Variants in ELMO1 observed in about 807,000 individuals in gnomAD.
The protein encoded by ELMO1 is engulfment and cell motility protein 1.
A neutral mutation model predicts 98.9 loss-of-function variants in ELMO1; 26 were observed. The ratio of observed to expected loss-of-function variants is 0.26; its 90% confidence interval spans 0.19 to 0.36. The LOEUF (loss-of-function observed/expected upper bound fraction) is 0.36. Among genes scored for constraint, ELMO1 ranks in the 10% least tolerant of loss-of-function variants. The probability of loss-of-function intolerance (pLI) is 1.00; values close to 1 mark genes in which losing one functional copy is unlikely to be tolerated. For missense variants in ELMO1, 627 were observed against 935.2 expected, an observed-to-expected ratio of 0.67 and a Z score of 4.30; for synonymous variants, 346 against 346.0, an observed-to-expected ratio of 1.00 and a Z score of 0.00.
chr7:37,121,993 A>G (rs1018189383), intron 14 of ELMO1, among the ~76,000 whole-genome samples: 125 of 152,204 alleles, frequency 8.2e-4, no homozygotes, highest in African/African-American at 2.9e-3. Context: ...ACATTCTTAA[A>G]GAAAAGAATT....
At chr7:36,955,787 A>G (rs1788393210) in intron 16 of ELMO1, among the ~76,000 whole-genome samples, 1 of 152,128 alleles carries the variant, frequency 6.6e-6, no homozygotes. Context: ...TCCTTCCCTG[A>G]CACCCTCTAG....
chr7:37,213,675 G>A (rs978492556), intron 11 of ELMO1, among the ~76,000 whole-genome samples: 3 of 152,150 alleles, frequency 2.0e-5, no homozygotes, highest in African/African-American at 7.2e-5. Flanking sequence ...CCTACTGTGG[G>A]CAGGAGGGAG....
chr7:37,035,449 A>C (rs1795123590), intron 15 of ELMO1, among the ~76,000 whole-genome samples: 1 of 152,200 alleles, frequency 6.6e-6, no homozygotes, highest in South Asian at 2.1e-4. Flanking sequence ...TGAGATTAAA[A>C]CGTATTTCAT....
At chr7:37,315,687 TA>T (rs1316026495) in intron 3 of ELMO1, among the ~76,000 whole-genome samples, 2 of 152,164 alleles carry the variant, frequency 1.3e-5, no homozygotes, top group Non-Finnish European at 2.9e-5. Flanking sequence ...CTAAAATAAA[TA>T]AAGCCAACCC....
intron 16 of ELMO1, among the ~76,000 whole-genome samples, chr7:36,982,200 A>G (rs1489271297): frequency 1.3e-5 from 2 of 152,250 alleles, no homozygotes; most frequent in Admixed American, 1.3e-4. Flanking sequence ...CTACTTTTTT[A>G]ACTATGAATT....
chr7:37,395,043 A>AAG (rs1326626727), intron 1 of ELMO1, among the ~76,000 whole-genome samples: 2 of 151,632 alleles, frequency 1.3e-5, no homozygotes, highest in East Asian at 1.9e-4. Flanking sequence ...CAGTACTAGA[A>AAG]AGAGAGAGAG....
intron 16 of ELMO1, among the ~76,000 whole-genome samples, chr7:37,005,800 T>C (rs1015097652): frequency 1.8e-4 from 27 of 151,726 alleles, no homozygotes; most frequent in African/African-American, 6.3e-4. Flanking sequence ...AGTGTTGCCA[T>C]GAGCATCCTT....
intron 19 of ELMO1, among the ~76,000 whole-genome samples, chr7:36,877,674 TCAGAAAAAGACAGCTGA>T (rs1804085151): frequency 6.6e-6 from 1 of 152,228 alleles, no homozygotes; most frequent in South Asian, 2.1e-4. Flanking sequence ...TTTTGGGTTT[TCAGAAAAAGACAGCTGA>T]CAGAATCAGG....
chr7:37,067,962 C>A (rs1382219775), intron 15 of ELMO1, among the ~76,000 whole-genome samples: 1 of 151,988 alleles, frequency 6.6e-6, no homozygotes, highest in Non-Finnish European at 1.5e-5. Flanking sequence ...TTATGAGAAT[C>A]CAAAATTCAG....
At chr7:36,956,175 A>G (rs147414681) in intron 16 of ELMO1, among the ~76,000 whole-genome samples, 220 of 152,280 alleles carry the variant, frequency 1.4e-3, no homozygotes, top group African/African-American at 4.7e-3. Context: ...GAATAGGTGT[A>G]CTTCTTGCTT....
intron 15 of ELMO1, among the ~76,000 whole-genome samples, chr7:37,031,445 C>T (rs1794876798): frequency 6.6e-6 from 1 of 152,288 alleles, no homozygotes; most frequent in East Asian, 1.9e-4. Flanking sequence ...AGACTTAATA[C>T]ATGCTTTTCC....
chr7:37,154,928 C>A (rs1047654446), intron 13 of ELMO1, among the ~76,000 whole-genome samples: 4 of 152,146 alleles, frequency 2.6e-5, no homozygotes, highest in African/African-American at 7.2e-5. Context: ...GTCAAGTTAC[C>A]CACAAAGGGA....
intron 4 of ELMO1, among the ~76,000 whole-genome samples, chr7:37,277,546 A>G (rs1223472118): frequency 2.0e-5 from 3 of 152,250 alleles, no homozygotes; most frequent in Non-Finnish European, 4.4e-5. Flanking sequence ...AAGAGGGAAG[A>G]GCAGGAGTAA....
intron 1 of ELMO1, among the ~76,000 whole-genome samples, chr7:37,409,983 A>G (rs888782255): frequency 1.3e-5 from 2 of 152,222 alleles, no homozygotes; most frequent in Non-Finnish European, 2.9e-5. Flanking sequence ...CTGAATCTTG[A>G]AAAGGTAATT....
At chr7:37,407,376 T>C (rs1035329542) in intron 1 of ELMO1, among the ~76,000 whole-genome samples, 1 of 151,694 alleles carries the variant, frequency 6.6e-6, no homozygotes, top group African/African-American at 2.4e-5. Context: ...GGCGTGATGG[T>C]GGGTGCCTGT....
At chr7:37,312,440 C>T (rs568009163) in intron 4 of ELMO1, among the ~76,000 whole-genome samples, 18 of 152,288 alleles carry the variant, frequency 1.2e-4, no homozygotes, top group Non-Finnish European at 2.5e-4. Flanking sequence ...GGCATAATGT[C>T]CTGTACACAT....
intron 1 of ELMO1, among the ~76,000 whole-genome samples, chr7:37,370,076 C>A (rs1802056672): frequency 6.6e-6 from 1 of 152,198 alleles, no homozygotes; most frequent in African/African-American, 2.4e-5. Flanking sequence ...GACTAGAAGT[C>A]TCTATGCTCA....
intron 13 of ELMO1, among the ~76,000 whole-genome samples, chr7:37,140,211 TAA>T (rs745855444): frequency 2.2e-4 from 28 of 128,676 alleles, no homozygotes; most frequent in Non-Finnish European, 1.7e-4. Context: ...CCACCTCTAC[TAA>T]AAAAAAAAAA....
upstream of ELMO1, chr7:37,449,321 A>AT (rs1205689156): frequency 4.0e-5 from 6 of 150,330 alleles, no homozygotes; most frequent in African/African-American, 1.5e-4. Flanking sequence ...TCCTTTTTTA[A>AT]TTTTTGGCAA....
Sources: allele counts gnomAD v4.1 joint callset (sites outside exome capture counted in the v4.1 genomes callset), GRCh38; gene constraint gnomAD v4.1.1; transcripts MANE v1.5; gene names NCBI Gene and HGNC (gene_info 2026-07-23, HGNC 2026-07-21).